The following XKR9 variants were observed in gnomAD, a reference collection of about 807,000 sequenced individuals.
The protein encoded by XKR9 is XK-related protein 9.
Under a neutral mutation model 32.0 loss-of-function variants are expected in XKR9, and 32 were observed. That is an observed-to-expected ratio of 1.00 (90% CI 0.76 to 1.34). The LOEUF (loss-of-function observed/expected upper bound fraction) is 1.34, where lower values mean the gene tolerates loss of function less well. Ranked by LOEUF, XKR9 falls within the 40% of genes most tolerant of loss-of-function variation. The pLI is 0.00. For synonymous variants in XKR9, 168 were observed against 143.4 expected, an observed-to-expected ratio of 1.17 and a Z score of -1.22; for missense variants, 546 against 429.7, an observed-to-expected ratio of 1.27 and a Z score of -2.39.
chr8:70,812,909 C>G, the XKR9 span, among the ~76,000 whole-genome samples: 1 of 152,146 alleles, frequency 6.6e-6, no homozygotes, highest in Admixed American at 6.5e-5. Flanking sequence ...ATCAAGATAC[C>G]AATGGCTTTC....
At chr8:71,062,410 A>T in the XKR9 span, among the ~76,000 whole-genome samples, 1 of 152,140 alleles carries the variant, frequency 6.6e-6, no homozygotes, top group South Asian at 2.1e-4. Context: ...ACATGATGGA[A>T]GGGACAAGAG....
the XKR9 span, among the ~76,000 whole-genome samples, chr8:70,996,948 C>T: frequency 6.6e-6 from 1 of 152,150 alleles, no homozygotes; most frequent in African/African-American, 2.4e-5. Flanking sequence ...AGTTCATTAC[C>T]ATTAAACCAT....
downstream of XKR9, among the ~76,000 whole-genome samples, chr8:70,736,093 G>T (rs1384250677): frequency 6.6e-6 from 1 of 152,158 alleles, no homozygotes; most frequent in Admixed American, 6.5e-5. Context: ...GTGTAAAAGT[G>T]TTCCTATTTC....
chr8:70,767,449 C>T (rs967276456), intron 2 of XKR9, among the ~76,000 whole-genome samples: 5 of 150,320 alleles, frequency 3.3e-5, no homozygotes, highest in African/African-American at 1.2e-4. Flanking sequence ...GGTGATACCC[C>T]CTTTATCATT....
At chr8:70,837,994 T>C in the XKR9 span, among the ~76,000 whole-genome samples, 24 of 152,234 alleles carry the variant, frequency 1.6e-4, no homozygotes, top group African/African-American at 5.5e-4. Flanking sequence ...GCTTGAAATC[T>C]TGACTATTGT....
chr8:70,985,729 T>G, the XKR9 span, among the ~76,000 whole-genome samples: 1 of 152,110 alleles, frequency 6.6e-6, no homozygotes, highest in Non-Finnish European at 1.5e-5. Flanking sequence ...TGAAGAGAAT[T>G]AAAAATAAAA....
the XKR9 span, among the ~76,000 whole-genome samples, chr8:70,900,604 A>G: frequency 2.2e-5 from 3 of 135,280 alleles, no homozygotes; most frequent in Non-Finnish European, 3.5e-5. Context: ...TTAAATGAAT[A>G]AATAAATAAA....
At chr8:70,894,181 G>C in the XKR9 span, among the ~76,000 whole-genome samples, 1 of 151,930 alleles carries the variant, frequency 6.6e-6, no homozygotes, top group Non-Finnish European at 1.5e-5. Context: ...ATGAGTCACT[G>C]TGTAGTAGTG....
chr8:70,708,606 C>T (rs904566595), intron 4 of XKR9, among the ~76,000 whole-genome samples: 12 of 151,892 alleles, frequency 7.9e-5, no homozygotes, highest in African/African-American at 2.9e-4. Flanking sequence ...TCTGTCAGCA[C>T]ATTTTTAAGG....
chr8:70,717,105 C>G (rs539270852), intron 4 of XKR9, among the ~76,000 whole-genome samples: 11 of 152,330 alleles, frequency 7.2e-5, no homozygotes, highest in Non-Finnish European at 1.3e-4. Context: ...CTTGGCAGCT[C>G]TGCCCCTGTG....
At chr8:70,675,070 G>A (rs2132099428) in intron 2 of XKR9, among the ~76,000 whole-genome samples, 171 bp downstream of exon 2, 1 of 152,328 alleles carries the variant, frequency 6.6e-6, no homozygotes, top group Non-Finnish European at 1.5e-5. Flanking sequence ...GAATTGGATT[G>A]AAACCGTTTG....
chr8:70,755,545 G>T (rs1439666239), intron 2 of XKR9, among the ~76,000 whole-genome samples: 1 of 152,120 alleles, frequency 6.6e-6, no homozygotes, highest in Non-Finnish European at 1.5e-5. Context: ...TTAAGTAAAT[G>T]TGACACATAT....
the XKR9 span, among the ~76,000 whole-genome samples, chr8:71,004,998 CTTTTTTTTTTTTTTTT>C: frequency 2.1e-5 from 1 of 48,206 alleles, no homozygotes; most frequent in African/African-American, 7.4e-5. Context: ...TTAATCTATG[CTTTTTTTTTTTTTTTT>C]TTTTTTTTTT....
the XKR9 span, among the ~76,000 whole-genome samples, chr8:70,811,815 A>G: frequency 1.3e-5 from 2 of 151,942 alleles, no homozygotes; most frequent in Non-Finnish European, 2.9e-5. Context: ...TACCAACCAA[A>G]AAGAGTCCAG....
the XKR9 span, among the ~76,000 whole-genome samples, chr8:71,032,279 G>A: frequency 3.8e-5 from 2 of 51,996 alleles, no homozygotes; most frequent in Non-Finnish European, 6.2e-5. Flanking sequence ...GTGAGACTCT[G>A]TCAAAAAAAA....
the XKR9 span, among the ~76,000 whole-genome samples, chr8:70,937,226 C>T: frequency 6.6e-6 from 1 of 151,994 alleles, no homozygotes; most frequent in Non-Finnish European, 1.5e-5. Flanking sequence ...TAGCACCATA[C>T]ATCATTATTA....
At chr8:70,893,515 A>T in the XKR9 span, among the ~76,000 whole-genome samples, 1 of 152,148 alleles carries the variant, frequency 6.6e-6, no homozygotes, top group Non-Finnish European at 1.5e-5. Flanking sequence ...TTTCACCTGT[A>T]GTTAATTTTA....
At chr8:70,785,305 A>T (rs1807668572) in intron 2 of XKR9, among the ~76,000 whole-genome samples, 1 of 151,964 alleles carries the variant, frequency 6.6e-6, no homozygotes, top group Non-Finnish European at 1.5e-5. Context: ...ATAATTATTC[A>T]TAGTAGTCTC....
the XKR9 span, among the ~76,000 whole-genome samples, chr8:71,000,249 T>A: frequency 6.6e-6 from 1 of 152,244 alleles, no homozygotes; most frequent in Non-Finnish European, 1.5e-5. Context: ...TATCTCATTT[T>A]TTTGAGAAAT....
Sources: gnomAD v4.1 joint callset for allele counts (sites outside exome capture counted in the v4.1 genomes callset) on GRCh38, gnomAD v4.1.1 for gene constraint, MANE v1.5 for transcripts, NCBI Gene and HGNC (gene_info 2026-07-23, HGNC 2026-07-21) for gene names.